FRYL: variants seen among roughly 807,000 people sequenced by gnomAD.
FRYL encodes the protein FRY like transcription coactivator.
In FRYL, 150 loss-of-function variants were observed where a neutral mutation model predicts 351.2. The observed-to-expected ratio is 0.43, with a 90% CI of 0.37 to 0.49. FRYL has a LOEUF of 0.49. Among genes scored for constraint, FRYL ranks in the 20% least tolerant of loss-of-function variants. The probability of loss-of-function intolerance (pLI) is 0.00; values close to 1 mark genes in which losing one functional copy is unlikely to be tolerated. For synonymous variants in FRYL, 1,153 were observed against 1,257.1 expected (o/e 0.92, Z 1.75); for missense variants, 3,036 against 3,619.3 (o/e 0.84, Z 4.13).
intron 3 of FRYL, among the ~76,000 whole-genome samples, chr4:48,649,026 T>C (rs541879577): frequency 6.6e-6 from 1 of 152,332 alleles, no homozygotes; most frequent in African/African-American, 2.4e-5. Flanking sequence ...CTTGAGATTT[T>C]CATGCTGATG....
chr4:48,565,912 G>C (rs1736675730), intron 28 of FRYL, among the ~76,000 whole-genome samples: 1 of 152,134 alleles, frequency 6.6e-6, no homozygotes, highest in South Asian at 2.1e-4. Flanking sequence ...ACATGACATA[G>C]AGCATCTCTG....
chr4:48,518,668 TA>T (rs1724185786), intron 55 of FRYL, among the ~76,000 whole-genome samples: 1 of 152,202 alleles, frequency 6.6e-6, no homozygotes, highest in African/African-American at 2.4e-5. Context: ...GTACTTCAGA[TA>T]TATCAGGGCC....
intron 1 of FRYL, among the ~76,000 whole-genome samples, chr4:48,744,240 CTG>C: frequency 6.6e-6 from 1 of 152,196 alleles, no homozygotes; most frequent in Middle Eastern, 3.4e-3. Context: ...TTACACAACT[CTG>C]TAAAAATACT....
Position 48,586,616 on chromosome 4 carries a change from T to C in FRYL, c.1748+5A>G. On this transcript the variant is annotated splice_donor_5th_base_variant and intron_variant, in intron 19 of 63. Transcript: ENST00000358350. ...ACAATATAGCAAACAGTAATTCTCATTTACCTTGCTAACAATTCAATCAGG... is the reference window on the plus strand; with the variant it reads ...ACAATATAGCAAACAGTAATTCTCACTTACCTTGCTAACAATTCAATCAGG... 6.3e-7 allele frequency: 1 copy of C among 1,586,014 alleles called. No homozygotes were observed. Among genetic ancestry groups the C allele is most frequent in the Non-Finnish European group, 8.7e-7 (1 of 1,155,168 alleles).
At chr4:48,679,865 T>A (rs1764345751) in intron 3 of FRYL, among the ~76,000 whole-genome samples, 1 of 152,038 alleles carries the variant, frequency 6.6e-6, no homozygotes, top group Non-Finnish European at 1.5e-5. Flanking sequence ...CTTATACTAA[T>A]AAGCACTCAT....
At chr4:48,633,696 T>TAA (rs1753698363) in intron 4 of FRYL, among the ~76,000 whole-genome samples, 1 of 152,286 alleles carries the variant, frequency 6.6e-6, no homozygotes, top group South Asian at 2.1e-4. Context: ...TTTACTTCTG[T>TAA]TATTTCTCTT....
intron 16 of FRYL, among the ~76,000 whole-genome samples, chr4:48,593,110 A>G (rs1279912530): frequency 6.6e-6 from 1 of 152,118 alleles, no homozygotes; most frequent in Non-Finnish European, 1.5e-5. Context: ...TCACTTTTTT[A>G]ATGTTGATTT....
At chr4:48,588,250 CAAAG>C (rs1742552763) in intron 18 of FRYL, among the ~76,000 whole-genome samples, 2 of 152,156 alleles carry the variant, frequency 1.3e-5, no homozygotes, top group Admixed American at 6.5e-5. Context: ...GGAAGTACCA[CAAAG>C]AAAGAAAAAG....
chr4:48,541,136 A>T (rs573550796), intron 45 of FRYL, among the ~76,000 whole-genome samples, 176 bp from the exon 46 acceptor site: 1 of 152,320 alleles, frequency 6.6e-6, no homozygotes, highest in South Asian at 2.1e-4. Flanking sequence ...AAAATGTACA[A>T]CAGTATCTTT....
At chr4:48,572,024 A>C (rs1355699123) in intron 26 of FRYL, 1 of 981,628 alleles carries the variant, frequency 1.0e-6, no homozygotes, top group Non-Finnish European at 1.2e-6. Flanking sequence ...CAAAATAGGA[A>C]TACTATCATG....
chr4:48,764,517 C>CGA (rs1774746483), intron 1 of FRYL, among the ~76,000 whole-genome samples: 1 of 146,210 alleles, frequency 6.8e-6, no homozygotes, highest in South Asian at 2.2e-4. Context: ...AACAACAAAG[C>CGA]GAGACTCTGT....
At chr4:48,727,932 G>A (rs1427417184) in intron 1 of FRYL, among the ~76,000 whole-genome samples, 1 of 152,176 alleles carries the variant, frequency 6.6e-6, no homozygotes, top group East Asian at 1.9e-4. Context: ...GGAGTACTGA[G>A]AAGCACTTGT....
intron 1 of FRYL, among the ~76,000 whole-genome samples, chr4:48,732,045 C>A (rs1054245721): frequency 3.3e-5 from 5 of 152,154 alleles, no homozygotes; most frequent in Admixed American, 6.5e-5. Flanking sequence ...GGGCTAATAT[C>A]CAGAATCTAC....
intron 1 of FRYL, among the ~76,000 whole-genome samples, chr4:48,712,650 T>C (rs1289578791): frequency 1.3e-5 from 2 of 152,216 alleles, no homozygotes; most frequent in Non-Finnish European, 2.9e-5. Flanking sequence ...CTCTGCAGGA[T>C]ATTGTCCAGG....
At chr4:48,547,191 TA>T (rs1731543943) in intron 41 of FRYL, among the ~76,000 whole-genome samples, 1 of 152,226 alleles carries the variant, frequency 6.6e-6, no homozygotes, top group African/African-American at 2.4e-5. Flanking sequence ...TGTATGTTTT[TA>T]ATGCAGTAAA....
At chr4:48,561,998 A>G (rs1735626413) in intron 32 of FRYL, among the ~76,000 whole-genome samples, 1 of 152,196 alleles carries the variant, frequency 6.6e-6, no homozygotes, top group African/African-American at 2.4e-5. Context: ...CCTGGGTGAC[A>G]GAGTGAGACC....
At chr4:48,742,899 T>C (rs538557029) in intron 1 of FRYL, among the ~76,000 whole-genome samples, 1 of 151,574 alleles carries the variant, frequency 6.6e-6, no homozygotes, top group South Asian at 2.1e-4. Flanking sequence ...CTCCACTTCC[T>C]GGGGTCAAGT....
Position 48,576,226 on chromosome 4 carries a change from AG to A in FRYL, c.2529-5del, listed in dbSNP as rs768817711. On this transcript the variant is annotated splice_polypyrimidine_tract_variant and splice_region_variant and intron_variant, in intron 23 of 63. Coordinates refer to ENST00000358350, the MANE Select transcript of FRYL (RefSeq NM_015030.2). ...TTTCTTAGCATTGATGGGGCTACTA[AG>A]GAAAAAAAAAGAAAAATAGGCAGAT... The A allele has an allele frequency of 4.4e-6, 7 of 1,573,362 alleles. No homozygotes were observed. In the South Asian group the frequency reaches 8.2e-5, roughly 18 times the overall value.
intron 50 of FRYL, among the ~76,000 whole-genome samples, chr4:48,529,036 CCT>C (rs950539981): frequency 2.0e-5 from 3 of 152,174 alleles, no homozygotes; most frequent in Admixed American, 6.5e-5. Context: ...ACCACTTCCC[CCT>C]CTCTGAACTT....
Sources: gnomAD v4.1 joint callset for allele counts (sites outside exome capture counted in the v4.1 genomes callset) on GRCh38, gnomAD v4.1.1 for gene constraint, MANE v1.5 for transcripts, NCBI Gene and HGNC (gene_info 2026-07-23, HGNC 2026-07-21) for gene names.